CADPS2: variants seen among roughly 807,000 people sequenced by gnomAD.
The protein encoded by CADPS2 is calcium-dependent secretion activator 2.
A neutral mutation model predicts 172.5 loss-of-function variants in CADPS2; 93 were observed. The ratio of observed to expected loss-of-function variants is 0.54; its 90% CI spans 0.46 to 0.64. CADPS2 has a LOEUF of 0.64. Ranked by LOEUF, CADPS2 falls within the 30% of genes least tolerant of loss-of-function variation. The pLI, the probability that CADPS2 is intolerant of heterozygous loss-of-function variation, is 0.00. For missense variants in CADPS2, 1,420 were observed against 1,565.9 expected, an observed-to-expected ratio of 0.91 and a Z score of 1.57; for synonymous variants, 546 against 555.2, an observed-to-expected ratio of 0.98 and a Z score of 0.23.
chr7:122,501,818 T>C (rs2059223465), intron 9 of CADPS2, among the ~76,000 whole-genome samples: 1 of 133,064 alleles, frequency 7.5e-6, no homozygotes, highest in East Asian at 2.2e-4. Context: ...GAGGTTGCAG[T>C]GAGCTGAGAT....
intron 7 of CADPS2, among the ~76,000 whole-genome samples, chr7:122,576,378 T>C (rs1307162753): frequency 2.0e-5 from 3 of 152,168 alleles, no homozygotes; most frequent in African/African-American, 7.2e-5. Context: ...TACTGAGGTC[T>C]GTTTCTTTTC....
At chr7:122,584,295 T>A (rs2069307443) in intron 6 of CADPS2, among the ~76,000 whole-genome samples, 1 of 151,990 alleles carries the variant, frequency 6.6e-6, no homozygotes, top group Non-Finnish European at 1.5e-5. Context: ...GCTACAGAAT[T>A]ACTCAGGTTT....
intron 8 of CADPS2, among the ~76,000 whole-genome samples, chr7:122,547,346 G>A (rs1262033510): frequency 6.6e-6 from 1 of 151,914 alleles, no homozygotes. Context: ...TTAAATTTGT[G>A]AAAAAAGGAG....
intron 17 of CADPS2, among the ~76,000 whole-genome samples, chr7:122,416,576 G>T (rs1030271411): frequency 2.6e-5 from 4 of 152,020 alleles, no homozygotes; most frequent in African/African-American, 9.7e-5. Flanking sequence ...ATGCTTTTTT[G>T]TTGCTGTTTA....
At chr7:122,705,498 T>C (rs1378603329) in intron 2 of CADPS2, among the ~76,000 whole-genome samples, 2 of 123,486 alleles carry the variant, frequency 1.6e-5, no homozygotes, top group Non-Finnish European at 3.3e-5. Context: ...ATATTATCTA[T>C]ATTATATATT....
At position 122,645,522 on chromosome 7, in the gene CADPS2, A is replaced by ATG. The variant is rs1563950677; in HGVS notation, c.787-16195_787-16194insCA. ...TATAAGTATATATATACTTATATATATATAAGTATATATATATACTTATAT... is the reference window on the plus strand; with the variant it reads ...TATAAGTATATATATACTTATATATATGTATAAGTATATATATATACTTATAT... On this transcript the variant is annotated intron_variant, in intron 3 of 29. Transcript: ENST00000449022. Among the ~76,000 whole-genome samples, 4 of 126,684 alleles carry ATG rather than the reference A, an allele frequency of 3.2e-5. No individual in the cohort carries two copies. The Admixed American group carries it at 3.3e-4, about 10-fold the overall frequency. 83.1% of individuals were successfully genotyped at this position (126,684 alleles called of 152,430 possible). A position where few individuals can be genotyped will look rare whatever the true frequency, so the allele number is the denominator to read the frequency against.
At chr7:122,359,142 C>T (rs1294278955) in intron 27 of CADPS2, among the ~76,000 whole-genome samples, 4 of 151,988 alleles carry the variant, frequency 2.6e-5, no homozygotes, top group Admixed American at 1.3e-4. Context: ...AGAAAATAAG[C>T]GTTCCTCAGA....
At chr7:122,600,730 T>C (rs1470983411) in intron 6 of CADPS2, among the ~76,000 whole-genome samples, 2 of 152,092 alleles carry the variant, frequency 1.3e-5, no homozygotes, top group African/African-American at 4.8e-5. Flanking sequence ...ATAACTTTTG[T>C]CTGTTTGGGT....
intron 8 of CADPS2, 44 bp downstream of exon 8, chr7:122,554,506 G>A (rs918431414): frequency 5.2e-6 from 8 of 1,531,406 alleles, no homozygotes; most frequent in African/African-American, 1.4e-5. Flanking sequence ...ACACTGAAAT[G>A]AAATTCAATA....
chr7:122,399,656 G>T (rs1585630669), intron 20 of CADPS2, among the ~76,000 whole-genome samples: 1 of 94,550 alleles, frequency 1.1e-5, no homozygotes, highest in Admixed American at 1.1e-4. Context: ...TCAAGGGTGG[G>T]TTTCTTTTTT....
At chr7:122,751,421 A>G (rs2092949286) in intron 1 of CADPS2, among the ~76,000 whole-genome samples, 1 of 152,186 alleles carries the variant, frequency 6.6e-6, no homozygotes, top group Non-Finnish European at 1.5e-5. Context: ...GAAGACTGAG[A>G]GCATAGTTTC....
At chr7:122,806,793 A>C (rs938896668) in intron 1 of CADPS2, among the ~76,000 whole-genome samples, 4 of 152,194 alleles carry the variant, frequency 2.6e-5, no homozygotes, top group Non-Finnish European at 5.9e-5. Context: ...TTATTATCTA[A>C]GGACAGATTA....
At chr7:122,681,382 G>C (rs1176106416) in intron 2 of CADPS2, 3 of 1,497,404 alleles carry the variant, frequency 2.0e-6, no homozygotes, top group Non-Finnish European at 2.8e-6. Context: ...CCTGTTCGCT[G>C]TACTAACTGT....
chr7:122,379,467 A>T (rs2042741170), intron 24 of CADPS2, 25 bp from the exon 25 acceptor site: 1 of 1,476,000 alleles, frequency 6.8e-7, no homozygotes, highest in Middle Eastern at 1.8e-4. Flanking sequence ...ATAAAAACTC[A>T]TTAGTTGACA....
intron 2 of CADPS2, among the ~76,000 whole-genome samples, chr7:122,672,568 C>G (rs1026954539): frequency 2.2e-4 from 33 of 149,802 alleles, no homozygotes; most frequent in African/African-American, 7.8e-4. Flanking sequence ...AGATAAGTAA[C>G]TGGCTTGAGG....
At chr7:122,376,436 C>T (rs1258061148) in intron 25 of CADPS2, among the ~76,000 whole-genome samples, 1 of 151,992 alleles carries the variant, frequency 6.6e-6, no homozygotes, top group African/African-American at 2.4e-5. Flanking sequence ...AACAGATGAA[C>T]CTGGAATATA....
chr7:122,496,275 C>T (rs2058726102), intron 9 of CADPS2, among the ~76,000 whole-genome samples: 1 of 152,142 alleles, frequency 6.6e-6, no homozygotes, highest in Admixed American at 6.5e-5. Flanking sequence ...AATACTCCTG[C>T]CTCAGCTTCC....
Position 122,399,617 on chromosome 7 carries a change from G to A in CADPS2, c.2747-6035C>T, listed in dbSNP as rs868199947. On this transcript the variant is annotated intron_variant, in intron 20 of 29. Coordinates refer to ENST00000449022, the MANE Select transcript of CADPS2 (RefSeq NM_017954.11). Reference sequence around the variant, plus strand: ...TTGCCCCATCAATGGGAATGATTGAGTACAGCTATATCATGATCGATAACT... The same window carrying A: ...TTGCCCCATCAATGGGAATGATTGAATACAGCTATATCATGATCGATAACT... Among the ~76,000 whole-genome samples, 124 of 135,712 alleles carry A rather than the reference G, an allele frequency of 9.1e-4. 1 individual carries two copies. In the Middle Eastern group the frequency reaches 0.014, roughly 15 times the overall value. The allele number at this position is 135,712 out of a possible 152,430, so 89.0% of individuals were successfully genotyped here.
At chr7:122,570,440 G>T (rs2067082982) in intron 7 of CADPS2, among the ~76,000 whole-genome samples, 2 of 147,460 alleles carry the variant, frequency 1.4e-5, no homozygotes, top group African/African-American at 5.1e-5. Flanking sequence ...TGGTGGGACT[G>T]TAAACTAGTT....
Sources: allele counts gnomAD v4.1 joint callset (sites outside exome capture counted in the v4.1 genomes callset), GRCh38; gene constraint gnomAD v4.1.1; transcripts MANE v1.5; gene names NCBI Gene and HGNC (gene_info 2026-07-23, HGNC 2026-07-21).